ACTR3C: variants seen among roughly 807,000 people sequenced by gnomAD.
The protein encoded by ACTR3C is actin-related protein 3C.
ACTR3C carries 18 observed loss-of-function variants against 26.3 expected under a neutral mutation model. The ratio of observed to expected loss-of-function variants is 0.68; its 90% CI spans 0.47 to 1.01. The LOEUF (loss-of-function observed/expected upper bound fraction) is 1.01, where lower values mean the gene tolerates loss of function less well. Ranked by LOEUF, ACTR3C falls within the 50% of genes least tolerant of loss-of-function variation. The pLI is 0.00. For synonymous variants in ACTR3C, 55 were observed against 94.5 expected (o/e 0.58, Z 2.42); for missense variants, 184 against 250.7 (o/e 0.73, Z 1.80).
the ACTR3C span, among the ~76,000 whole-genome samples, chr7:150,071,238 C>T: frequency 7.9e-5 from 12 of 152,142 alleles, no homozygotes; most frequent in Admixed American, 3.3e-4. Context: ...ATTCTCCTGC[C>T]TCAGCCTCCC....
the ACTR3C span, among the ~76,000 whole-genome samples, chr7:150,039,832 C>T: frequency 5.6e-4 from 72 of 127,958 alleles, no homozygotes; most frequent in Non-Finnish European, 8.2e-4. Context: ...TGCCTCCGCC[C>T]CCAGCGATGG....
downstream of ACTR3C, among the ~76,000 whole-genome samples, chr7:150,243,723 A>G (rs111791616): frequency 0.022 from 3,295 of 152,216 alleles, 122 homozygotes; most frequent in African/African-American, 0.075. Flanking sequence ...TGTAAATGCT[A>G]TGGAAATAGT....
chr7:149,906,412 CTT>C, the ACTR3C span, among the ~76,000 whole-genome samples: 7 of 72,100 alleles, frequency 9.7e-5, no homozygotes, highest in African/African-American at 3.0e-4. Flanking sequence ...GGGTTTGTTT[CTT>C]TTTTTTTTTT....
chr7:150,273,446 T>C (rs1365305623), intron 6 of ACTR3C, among the ~76,000 whole-genome samples: 1 of 151,682 alleles, frequency 6.6e-6, no homozygotes, highest in Non-Finnish European at 1.5e-5. Context: ...GCTGGCTAAT[T>C]TTTTTGGTAG....
chr7:150,250,946 C>T (rs1832809604), intron 6 of ACTR3C, among the ~76,000 whole-genome samples: 1 of 152,132 alleles, frequency 6.6e-6, no homozygotes, highest in Non-Finnish European at 1.5e-5. Flanking sequence ...GATGCGGTCA[C>T]CTAGGGAGCA....
chr7:150,041,708 CG>C, the ACTR3C span, among the ~76,000 whole-genome samples: 9 of 97,114 alleles, frequency 9.3e-5, no homozygotes, highest in South Asian at 3.8e-4. Flanking sequence ...CCCACCCTCG[CG>C]GGGGGTGCCT....
At chr7:150,039,714 G>A in the ACTR3C span, among the ~76,000 whole-genome samples, 18 of 131,732 alleles carry the variant, frequency 1.4e-4, no homozygotes, top group Admixed American at 4.9e-4. Flanking sequence ...AAGAGGGTCT[G>A]GCTCTCAGTC....
chr7:150,177,327 T>G, the ACTR3C span, among the ~76,000 whole-genome samples: 1 of 150,758 alleles, frequency 6.6e-6, no homozygotes, highest in South Asian at 2.1e-4. Context: ...CTCTAGATGC[T>G]CCTGTATTTT....
intron 1 of ACTR3C, among the ~76,000 whole-genome samples, chr7:150,317,742 C>T (rs549507070): frequency 6.6e-6 from 1 of 152,140 alleles, no homozygotes; most frequent in Non-Finnish European, 1.5e-5. Flanking sequence ...AGAAAATAGG[C>T]ATCTATTTCT....
the ACTR3C span, among the ~76,000 whole-genome samples, chr7:150,031,664 T>C: frequency 6.6e-6 from 1 of 152,064 alleles, no homozygotes; most frequent in Non-Finnish European, 1.5e-5. Context: ...ATTGGCCTGG[T>C]CCTAATTTGT....
chr7:150,259,699 A>G (rs2530974), intron 6 of ACTR3C, among the ~76,000 whole-genome samples: 7,203 of 151,772 alleles, frequency 0.047, 544 homozygotes, highest in African/African-American at 0.17. Context: ...TTTTTATCCT[A>G]GATGGTCATT....
At chr7:150,087,321 A>C in the ACTR3C span, among the ~76,000 whole-genome samples, 2 of 152,208 alleles carry the variant, frequency 1.3e-5, no homozygotes, top group Non-Finnish European at 2.9e-5. Context: ...GGTTAAATAC[A>C]TCTAACATCG....
intron 1 of ACTR3C, among the ~76,000 whole-genome samples, chr7:150,296,494 G>A (rs1220168005): frequency 1.3e-5 from 2 of 151,724 alleles, no homozygotes; most frequent in African/African-American, 2.4e-5. Flanking sequence ...ACAGACAACA[G>A]AAACAGAAAA....
chr7:150,307,024 G>A (rs1029641944), intron 1 of ACTR3C, among the ~76,000 whole-genome samples: 1 of 151,766 alleles, frequency 6.6e-6, no homozygotes, highest in Non-Finnish European at 1.5e-5. Flanking sequence ...TTTCATATAT[G>A]TGTATTTCTA....
At chr7:150,139,816 A>G in the ACTR3C span, among the ~76,000 whole-genome samples, 4 of 152,156 alleles carry the variant, frequency 2.6e-5, no homozygotes, top group African/African-American at 9.7e-5. Flanking sequence ...CAACTGTGAA[A>G]CACTGGGCTT....
the ACTR3C span, among the ~76,000 whole-genome samples, chr7:149,922,969 G>GTTTTTTTT: frequency 3.5e-4 from 8 of 23,098 alleles, no homozygotes; most frequent in Non-Finnish European, 4.8e-4. Flanking sequence ...GAAATAAAAG[G>GTTTTTTTT]CTTTTTTTTT....
the ACTR3C span, chr7:149,892,223 C>G: frequency 3.1e-5 from 42 of 1,376,676 alleles, no homozygotes; most frequent in Non-Finnish European, 4.0e-5. Flanking sequence ...TTTTGCATTA[C>G]TCATCCTACT....
rs1181991495 is a variant in ACTR3C, at chr7:150,265,600, A to AG, written c.565-16547dup. The stretch of plus-strand genomic sequence containing the variant: ...TCCCAGCTACTCAGGAGGCTGAGGC[A>AG]GGAGAATCGCTTGAACCCGGGAGGC... On this transcript the variant is annotated intron_variant, in intron 6 of 7. Transcript: ENST00000683684. 7.2e-5 allele frequency among the ~76,000 whole-genome samples: 11 copies of AG among 152,320 alleles called. No homozygotes were observed. In the East Asian group the frequency reaches 1.9e-3, roughly 27 times the overall value.
chr7:149,945,239 A>C, the ACTR3C span, among the ~76,000 whole-genome samples: 13,952 of 151,750 alleles, frequency 0.092, 2,153 homozygotes, highest in African/African-American at 0.32. Context: ...TCTGGAAGTG[A>C]AAGCATGCAA....
Sources: allele counts gnomAD v4.1 joint callset (sites outside exome capture counted in the v4.1 genomes callset), GRCh38; gene constraint gnomAD v4.1.1; transcripts MANE v1.5; gene names NCBI Gene and HGNC (gene_info 2026-07-23, HGNC 2026-07-21).